Variants in KIF1B observed in about 807,000 individuals in gnomAD.
KIF1B encodes the protein kinesin family member 1B.
Under a neutral mutation model 241.9 loss-of-function variants are expected in KIF1B, and 76 were observed. The observed-to-expected ratio is 0.31, with a 90% confidence interval of 0.26 to 0.38. KIF1B has a LOEUF of 0.38. Among genes scored for constraint, KIF1B ranks in the 10% least tolerant of loss-of-function variants. The probability of loss-of-function intolerance (pLI) is 1.00; values close to 1 mark genes in which losing one functional copy is unlikely to be tolerated. For synonymous variants in KIF1B, 750 were observed against 796.7 expected (o/e 0.94, Z 0.99); for missense variants, 1,622 against 2,271.4 (o/e 0.71, Z 5.81).
intron 5 of KIF1B, among the ~76,000 whole-genome samples, chr1:10,265,249 T>C (rs1648393296): frequency 6.9e-6 from 1 of 144,452 alleles, no homozygotes; most frequent in Non-Finnish European, 1.5e-5. Context: ...TATTTATTTA[T>C]TTTTAGAGAC....
chr1:10,374,285 C>T lies in KIF1B; in HGVS notation c.4947-31C>T, dbSNP rs2102362620. 4 of 1,608,822 alleles carry T rather than the reference C, an allele frequency of 2.5e-6. No homozygotes were observed. Among genetic ancestry groups the T allele is most frequent in the East Asian group, 2.2e-5 (1 of 44,866 alleles). On this transcript the variant is annotated intron_variant, in intron 45 of 48. Transcript: ENST00000676179. This position sits in a 1 kb window ranked among gnomAD's most constrained non-coding sequence, Gnocchi z 4.3. The stretch of plus-strand genomic sequence containing the variant: ...TTGATTGTAACTGATTCTCTTGTTA[C>T]CCTTTTCTTTCTAATCTCTCTATTT...
At chr1:10,241,163 A>G (rs1647131759) in intron 2 of KIF1B, among the ~76,000 whole-genome samples, 1 of 152,080 alleles carries the variant, frequency 6.6e-6, no homozygotes, top group Admixed American at 6.6e-5. Flanking sequence ...CGCAGACTGA[A>G]TACAGTGGCA....
chr1:10,311,307 C>T (rs374666059), intron 22 of KIF1B, among the ~76,000 whole-genome samples: 10 of 150,546 alleles, frequency 6.6e-5, no homozygotes, highest in Non-Finnish European at 1.5e-4. Flanking sequence ...CTCTACCTTC[C>T]GGGTTCAAGT....
intron 22 of KIF1B, among the ~76,000 whole-genome samples, chr1:10,309,008 T>C (rs911819933): frequency 8.5e-5 from 13 of 152,236 alleles, no homozygotes; most frequent in African/African-American, 2.4e-5. Flanking sequence ...CTAAAAAGTT[T>C]TGAGTGACTC....
intron 16 of KIF1B, 67 bp from the exon 17 acceptor site, chr1:10,291,980 A>G (rs1483343885): frequency 2.2e-6 from 3 of 1,370,188 alleles, no homozygotes; most frequent in East Asian, 2.3e-5. Flanking sequence ...TTATTTTCCA[A>G]TTCATATTAG....
chr1:10,264,026 T>A (rs1221114676), intron 5 of KIF1B, among the ~76,000 whole-genome samples: 1 of 152,234 alleles, frequency 6.6e-6, no homozygotes, highest in Non-Finnish European at 1.5e-5. Flanking sequence ...GTTTCTCACG[T>A]TCTTCAAGTC....
At chr1:10,318,720 T>C (rs1355349590) in intron 22 of KIF1B, among the ~76,000 whole-genome samples, 1 of 152,090 alleles carries the variant, frequency 6.6e-6, no homozygotes, top group Non-Finnish European at 1.5e-5. Flanking sequence ...AGACTCCATC[T>C]CAAAAAAGAA....
In KIF1B at chr1:10,352,653, G is replaced by A. The variant is rs1652839290; in HGVS notation, c.3972G>A (p.Glu1324=). The A allele has an allele frequency of 6.2e-7, 1 of 1,613,906 alleles. No individual in the cohort carries two copies. Among genetic ancestry groups the A allele is most frequent in the South Asian group, 1.1e-5 (1 of 91,068 alleles). The change falls in exon 38 of 49, where the codon GAG becomes GAA. Residue 1324 remains glutamate (E), a synonymous_variant. Coordinates refer to ENST00000676179, the MANE Select transcript of KIF1B (RefSeq NM_001365951.3). ...LVVGRIRNKP[E]VDEAAVDAIL... ...TAGGTCGTATTCGGAATAAGCCTGA[G>A]GTGGATGAAGCTGCAGTTGATGCCA...
intron 4 of KIF1B, among the ~76,000 whole-genome samples, chr1:10,260,039 A>G (rs1466573261): frequency 1.3e-5 from 2 of 152,168 alleles, no homozygotes; most frequent in Non-Finnish European, 2.9e-5. Context: ...GTGGGGGTAC[A>G]TTTTGAGAAA....
At chr1:10,276,262 T>A (rs771263493) in intron 11 of KIF1B, 59 bp from the exon 12 acceptor site, 3 of 1,064,954 alleles carry the variant, frequency 2.8e-6, no homozygotes, top group Admixed American at 3.5e-5. Flanking sequence ...TTTGACACAT[T>A]CCATAAAATT....
chr1:10,319,308 G>A (rs1334818466), intron 22 of KIF1B, among the ~76,000 whole-genome samples: 2 of 152,052 alleles, frequency 1.3e-5, no homozygotes, highest in African/African-American at 2.4e-5. Context: ...CTCCATGTTG[G>A]TCAGGCTGGT....
chr1:10,331,475 G>A (rs1448398226), intron 27 of KIF1B, among the ~76,000 whole-genome samples: 1 of 152,106 alleles, frequency 6.6e-6, no homozygotes, highest in Non-Finnish European at 1.5e-5. Flanking sequence ...TATTTCATCT[G>A]ATTTAATGTT....
chr1:10,368,687 G>T, intron 44 of KIF1B, 149 bp downstream of exon 44: 1 of 711,988 alleles, frequency 1.4e-6, no homozygotes, highest in Admixed American at 2.1e-5. Context: ...ATACTGCTCT[G>T]GTATTCATTC....
chr1:10,249,306 G>A (rs1647312919), intron 2 of KIF1B, among the ~76,000 whole-genome samples: 1 of 152,056 alleles, frequency 6.6e-6, no homozygotes, highest in South Asian at 2.1e-4. Flanking sequence ...ATTATGCCCA[G>A]TCTTTCAGTA....
Position 10,334,654 on chromosome 1 carries a change from C to T in KIF1B, c.3043+16C>T. 1 of 1,580,598 alleles carries T rather than the reference C, an allele frequency of 6.3e-7. No individual in the cohort carries two copies. The highest frequency in any genetic ancestry group is 1.3e-5 in the African/African-American group (1 of 74,390). On this transcript the variant is annotated intron_variant, in intron 28 of 48. Coordinates refer to ENST00000676179, the MANE Select transcript of KIF1B (RefSeq NM_001365951.3). The stretch of plus-strand genomic sequence containing the variant: ...GCCATCGCAGGTAGGTGACCCTCTT[C>T]TGAAATGAGAGCTGTGAGTTCTTTG...
chr1:10,376,187 G>A (rs1229177443), intron 48 of KIF1B, among the ~76,000 whole-genome samples: 1 of 152,152 alleles, frequency 6.6e-6, no homozygotes, highest in Non-Finnish European at 1.5e-5. Context: ...TGAGGCCTCT[G>A]CATCTTGTAA....
intron 22 of KIF1B, among the ~76,000 whole-genome samples, chr1:10,298,765 G>A (rs915279556): frequency 2.0e-5 from 3 of 152,182 alleles, no homozygotes; most frequent in South Asian, 2.1e-4. Flanking sequence ...TACAGAGAGC[G>A]TTAACATCCA....
chr1:10,250,237 C>G (rs900063892), intron 2 of KIF1B, among the ~76,000 whole-genome samples: 4 of 152,118 alleles, frequency 2.6e-5, no homozygotes, highest in African/African-American at 7.2e-5. Context: ...AAGTGTTTCA[C>G]TCCTTTAATT....
intron 1 of KIF1B, among the ~76,000 whole-genome samples, chr1:10,214,809 C>T (rs999002511): frequency 6.6e-6 from 1 of 151,904 alleles, no homozygotes; most frequent in Non-Finnish European, 1.5e-5. Flanking sequence ...TCTCGAACTC[C>T]TGACCTTGTG....
Sources: allele counts gnomAD v4.1 joint callset (sites outside exome capture counted in the v4.1 genomes callset), GRCh38; gene constraint gnomAD v4.1.1; non-coding constraint Gnocchi (gnomAD v3.1); transcripts MANE v1.5; gene names NCBI Gene and HGNC (gene_info 2026-07-23, HGNC 2026-07-21).